The following ATCAY variants were observed in gnomAD, a reference collection of about 807,000 sequenced individuals.
ATCAY encodes caytaxin.
A neutral mutation model predicts 47.7 loss-of-function variants in ATCAY; 22 were observed. That is an observed-to-expected ratio of 0.46 (90% CI 0.33 to 0.66). The LOEUF is 0.66. ATCAY is among the 30% of genes least tolerant of loss of function. The pLI, the probability that ATCAY is intolerant of heterozygous loss-of-function variation, is 0.02. For synonymous variants in ATCAY, 216 were observed against 207.6 expected, an observed-to-expected ratio of 1.04 and a Z score of -0.35; for missense variants, 452 against 515.0, an observed-to-expected ratio of 0.88 and a Z score of 1.18.
At chr19:3,895,317 C>T in intron 2 of ATCAY, 1 of 435,166 alleles carries the variant, frequency 2.3e-6, no homozygotes, top group East Asian at 7.0e-5. Flanking sequence ...TGGGTTCAAG[C>T]CATTCTCTTG....
intron 2 of ATCAY, among the ~76,000 whole-genome samples, chr19:3,892,563 C>T (rs897335943): frequency 9.2e-5 from 14 of 152,162 alleles, no homozygotes; most frequent in Admixed American, 9.2e-4. Flanking sequence ...TATCTGCATA[C>T]CTTTAGTAGG....
rs190923267 is a variant in ATCAY, at chr19:3,924,618, T to C, written c.*26T>C. On this transcript the variant is annotated 3_prime_UTR_variant, in exon 13 of 13. Transcript: ENST00000450849. ...GGCGACGTGAGCATAACAAAGGACA[T>C]GGAAGAAGATTCCAGATGCCAGAAA... The C allele has an allele frequency of 4.4e-3, 7,161 of 1,613,306 alleles. 25 individuals carry two copies. Among genetic ancestry groups the C allele is most frequent in the Non-Finnish European group, 5.1e-3 (6,073 of 1,179,490 alleles).
At position 3,907,527 on chromosome 19, in the gene ATCAY, G is replaced by C. The variant is rs916796617; in HGVS notation, c.359-207G>C. On this transcript the variant is annotated intron_variant, in intron 4 of 12. Coordinates refer to ENST00000450849, the MANE Select transcript of ATCAY (RefSeq NM_033064.5). The surrounding 1 kb of genome is among the most constrained non-coding windows in gnomAD (Gnocchi z 5.1). ...GCCAGCAAAGGGAATGTCCAGAAAG[G>C]CTTCCTGGAGGAGGCGGCATTTGAG... Among the ~76,000 whole-genome samples the C allele has an allele frequency of 4.6e-5, 7 of 152,254 alleles. No homozygotes were observed. The highest frequency in any genetic ancestry group is 1.0e-4 in the Non-Finnish European group (7 of 68,050).
intron 12 of ATCAY, among the ~76,000 whole-genome samples, chr19:3,924,282 T>C (rs1599151293): frequency 6.6e-6 from 1 of 151,824 alleles, no homozygotes; most frequent in East Asian, 1.9e-4. Flanking sequence ...GGTGGATGGA[T>C]AGATGTGTGG....
chr19:3,898,227 T>C (rs764523529), intron 2 of ATCAY, among the ~76,000 whole-genome samples: 73 of 152,036 alleles, frequency 4.8e-4, no homozygotes, highest in Non-Finnish European at 1.2e-4. Flanking sequence ...CTCTTTCACC[T>C]AGGCTGGAGT....
rs2038592870 is a variant in ATCAY at position 3,880,958 on chromosome 19, G to C, written c.-92G>C. 6.6e-6 allele frequency: 1 copy of C among 152,272 alleles called. No homozygotes were observed. Among genetic ancestry groups the C allele is most frequent in the Admixed American group, 6.5e-5 (1 of 15,280 alleles). 9.4% of individuals were successfully genotyped at this position (152,272 alleles called of 1,614,324 possible). On this transcript the variant is annotated 5_prime_UTR_variant, in exon 1 of 13. Transcript: ENST00000450849. ...AGCGATGCCCAGCTGCACCCGGGCA[G>C]GGCTCGCCTTTGTTTGCCAGTAAGG...
rs2038905158 is a variant in ATCAY, at chr19:3,909,588, G to A, written c.750G>A (p.Leu250=). ...PRRRMPGIGW[L]KKCYQMIDRR... is the part of the protein sequence containing the mutation. The stretch of plus-strand genomic sequence containing the variant: ...GGAGGATGCCTGGAATCGGCTGGCT[G>A]AAGAAGTGCTACCAGATGATCGACC... Residue 250 remains leucine, a synonymous_variant, in exon 7 of 13, where the codon CTG becomes CTA. Transcript: ENST00000450849. The A allele has an allele frequency of 6.2e-7, 1 of 1,609,444 alleles. No individual in the cohort carries two copies. Among genetic ancestry groups the A allele is most frequent in the South Asian group, 1.1e-5 (1 of 90,410 alleles).
At chr19:3,887,054 A>AGGG (rs2038664270) in intron 2 of ATCAY, among the ~76,000 whole-genome samples, 1 of 152,100 alleles carries the variant, frequency 6.6e-6, no homozygotes, top group African/African-American at 2.4e-5. Context: ...CCACAAGAGC[A>AGGG]GGGGTCTTTG....
chr19:3,908,513 T>A lies in ATCAY; in HGVS notation c.647+143T>A. 7 of 771,966 alleles carry A rather than the reference T, an allele frequency of 9.1e-6. No homozygotes were observed. In the South Asian group the frequency reaches 1.1e-4, roughly 13 times the overall value. 47.8% of individuals were successfully genotyped at this position (771,966 alleles called of 1,614,324 possible). On this transcript the variant is annotated intron_variant, in intron 6 of 12. Transcript: ENST00000450849. ...AGGGCGTGGTGGCCACAGACCTTGA[T>A]CTGAGTCCCTGCTGGCCCTGAGGCT...
intron 10 of ATCAY, 131 bp from the exon 11 acceptor site, chr19:3,918,675 G>A: frequency 1.2e-6 from 1 of 836,080 alleles, no homozygotes; most frequent in Non-Finnish European, 1.9e-6. Flanking sequence ...GCAAAGGCAG[G>A]GAACATCTCA....
chr19:3,885,605 G>T (rs2038642116), intron 1 of ATCAY, 122 bp from the exon 2 acceptor site: 1 of 593,640 alleles, frequency 1.7e-6, no homozygotes, highest in Admixed American at 2.7e-5. Flanking sequence ...AAGGAGAGAG[G>T]GGGAGGGGAA....
At chr19:3,881,478 T>C (rs1056015676) in intron 1 of ATCAY, among the ~76,000 whole-genome samples, 5 of 145,326 alleles carry the variant, frequency 3.4e-5, no homozygotes, top group African/African-American at 1.2e-4. Flanking sequence ...CACAGATGCC[T>C]CCTCCTTATT....
intron 1 of ATCAY, among the ~76,000 whole-genome samples, chr19:3,884,863 G>A (rs963399612): frequency 2.6e-5 from 4 of 151,884 alleles, no homozygotes; most frequent in Non-Finnish European, 4.4e-5. Context: ...TAGAGAGGCC[G>A]AGGCAGGAGG....
intron 1 of ATCAY, among the ~76,000 whole-genome samples, chr19:3,885,133 A>AC (rs1555765635): frequency 1.3e-5 from 2 of 150,510 alleles, no homozygotes; most frequent in African/African-American, 4.9e-5. Flanking sequence ...AAAAAAAAAA[A>AC]AACAGCCAAG....
chr19:3,912,318 AT>A (rs1376755152), intron 8 of ATCAY, among the ~76,000 whole-genome samples: 1,585 of 146,512 alleles, frequency 0.011, 25 homozygotes, highest in African/African-American at 0.035. Flanking sequence ...ACAAAAAAAA[AT>A]TTTTTTTTTT....
intron 8 of ATCAY, 124 bp downstream of exon 8, chr19:3,911,013 A>AACCG (rs2038918297): frequency 9.4e-7 from 1 of 1,060,190 alleles, no homozygotes; most frequent in Admixed American, 2.0e-5. Flanking sequence ...GTGTGTGTGC[A>AACCG]TCCATGTGTG....
At chr19:3,913,365 G>A (rs993627250) in intron 8 of ATCAY, among the ~76,000 whole-genome samples, 2 of 152,202 alleles carry the variant, frequency 1.3e-5, no homozygotes, top group African/African-American at 2.4e-5. Context: ...TGGCTGTGCC[G>A]TCCTGTGCGG....
intron 6 of ATCAY, among the ~76,000 whole-genome samples, chr19:3,909,045 C>T (rs1323525506): frequency 9.2e-6 from 1 of 109,052 alleles, no homozygotes; most frequent in African/African-American, 3.6e-5. Flanking sequence ...TAGAGACCAG[C>T]CTGGCCAACA....
At chr19:3,924,476 C>T (rs2039049498) in intron 12 of ATCAY, 107 bp from the exon 13 acceptor site, 2 of 1,359,872 alleles carry the variant, frequency 1.5e-6, no homozygotes, top group Admixed American at 1.8e-5. Flanking sequence ...GCTGGGAGTT[C>T]ACCCACGCTG....
Sources: gnomAD v4.1 joint callset for allele counts (sites outside exome capture counted in the v4.1 genomes callset) on GRCh38, gnomAD v4.1.1 for gene constraint, Gnocchi (gnomAD v3.1) non-coding constraint, MANE v1.5 for transcripts, NCBI Gene and HGNC (gene_info 2026-07-23, HGNC 2026-07-21) for gene names.